Variants in OSGEPL1 observed in about 807,000 individuals in gnomAD.
OSGEPL1 encodes tRNA N6-adenosine threonylcarbamoyltransferase, mitochondrial.
OSGEPL1 carries 26 observed loss-of-function variants against 37.2 expected under a neutral mutation model. The observed-to-expected ratio is 0.70, with a 90% CI of 0.51 to 0.97. The LOEUF (loss-of-function observed/expected upper bound fraction) is 0.97. Ranked by LOEUF, OSGEPL1 falls within the 50% of genes least tolerant of loss-of-function variation. The probability of loss-of-function intolerance (pLI) is 0.00; values close to 1 mark genes in which losing one functional copy is unlikely to be tolerated. For synonymous variants in OSGEPL1, 140 were observed against 159.9 expected (o/e 0.88, Z 0.94); for missense variants, 404 against 487.0 (o/e 0.83, Z 1.60).
At chr2:189,757,819 T>C (rs1179273352) in intron 2 of OSGEPL1, among the ~76,000 whole-genome samples, 1 of 152,226 alleles carries the variant, frequency 6.6e-6, no homozygotes, top group Non-Finnish European at 1.5e-5. Context: ...AGGTGGATGG[T>C]ATCACTGAAG....
chr2:189,755,062 A>T, intron 3 of OSGEPL1, 111 bp downstream of exon 3: 3 of 1,306,292 alleles, frequency 2.3e-6, no homozygotes, highest in East Asian at 2.4e-5. Flanking sequence ...TTTTCAGTTT[A>T]CTAAGATAAA....
At chr2:189,754,682 C>T (rs146829392) in intron 3 of OSGEPL1, 554 of 243,476 alleles carry the variant, frequency 2.3e-3, no homozygotes, top group Non-Finnish European at 3.4e-3. Flanking sequence ...CTGTGGGAAG[C>T]AGTGTTTTGT....
chr2:189,758,942 A>C (rs2046524971), intron 2 of OSGEPL1, among the ~76,000 whole-genome samples: 1 of 152,254 alleles, frequency 6.6e-6, no homozygotes, highest in South Asian at 2.1e-4. Context: ...TCAAAAGTTC[A>C]GTGCACTCAG....
At chr2:189,747,537 CTT>C (rs2044334434) in intron 8 of OSGEPL1, among the ~76,000 whole-genome samples, 5 of 152,010 alleles carry the variant, frequency 3.3e-5, no homozygotes, top group Admixed American at 3.3e-4. Context: ...TTTATAGTGT[CTT>C]TGGTTTGCAA....
intron 1 of OSGEPL1, among the ~76,000 whole-genome samples, chr2:189,762,144 C>G (rs565467600): frequency 6.6e-6 from 1 of 152,192 alleles, no homozygotes; most frequent in Non-Finnish European, 1.5e-5. Flanking sequence ...AACACACACA[C>G]GCCAACTGCA....
Position 189,762,691 on chromosome 2 carries a change from C to T in OSGEPL1, c.-27G>A. 2 of 985,428 alleles carry T rather than the reference C, an allele frequency of 2.0e-6. No homozygotes were observed. Among genetic ancestry groups the T allele is most frequent in the Non-Finnish European group, 1.2e-6 (1 of 829,948 alleles). The allele number at this position is 985,428 out of a possible 1,614,324, so 61.0% of individuals were successfully genotyped here. ...AGTGAGCAATTTCACCCACCTTCCACTTGGGCGGCAGTAGCTAGCACTTGT... is the reference window on the plus strand; with the variant it reads ...AGTGAGCAATTTCACCCACCTTCCATTTGGGCGGCAGTAGCTAGCACTTGT... On this transcript the variant is annotated 5_prime_UTR_variant, in exon 1 of 9. In the 5' UTR this introduces an upstream ATG that the reference lacks. Transcript: ENST00000264151.
chr2:189,752,754 T>C (rs2045475442), intron 6 of OSGEPL1, 30 bp from the exon 7 acceptor site: 1 of 1,613,550 alleles, frequency 6.2e-7, no homozygotes, highest in East Asian at 2.2e-5. Flanking sequence ...ATAAAATCAA[T>C]AGCTCCAAGA....
rs1057216770 is a variant in OSGEPL1, at chr2:189,746,818, AT to A, written c.*378del. On this transcript the variant is annotated 3_prime_UTR_variant, in exon 9 of 9. Transcript: ENST00000264151. Reference sequence around the variant, plus strand: ...CAGGTCAGAGTTATGGTTTCAAAAAATTAGGATTTCTGTAAACAAAGGCCTG... The same window carrying A: ...CAGGTCAGAGTTATGGTTTCAAAAAATAGGATTTCTGTAAACAAAGGCCTG... 3.1e-5 allele frequency: 18 copies of A among 578,330 alleles called. No individual in the cohort carries two copies. The highest frequency in any genetic ancestry group is 4.1e-5 in the Admixed American group (1 of 24,456). 35.8% of individuals were successfully genotyped at this position (578,330 alleles called of 1,614,324 possible). A position where few individuals can be genotyped will look rare whatever the true frequency, so the allele number is the denominator to read the frequency against.
intron 5 of OSGEPL1, 84 bp downstream of exon 5, chr2:189,753,832 A>G (rs1171021565): frequency 7.1e-7 from 1 of 1,416,314 alleles, no homozygotes; most frequent in African/African-American, 1.4e-5. Flanking sequence ...AGATCTGTTC[A>G]TCCTAAACAC....
intron 8 of OSGEPL1, among the ~76,000 whole-genome samples, chr2:189,750,233 G>A (rs2044940062): frequency 6.6e-6 from 1 of 152,142 alleles, no homozygotes; most frequent in Non-Finnish European, 1.5e-5. Flanking sequence ...ATTTGAGGAA[G>A]TGGGGGAAAG....
chr2:189,750,265 G>T (rs1448435540), intron 8 of OSGEPL1, among the ~76,000 whole-genome samples: 1 of 152,006 alleles, frequency 6.6e-6, no homozygotes, highest in Non-Finnish European at 1.5e-5. Context: ...TATGATACAG[G>T]GCCAGAATTC....
chr2:189,754,362 T>A lies in OSGEPL1; in HGVS notation c.610-17A>T. 2.5e-6 allele frequency: 4 copies of A among 1,571,250 alleles called. No homozygotes were observed. Among genetic ancestry groups the A allele is most frequent in the Non-Finnish European group, 2.6e-6 (3 of 1,158,334 alleles). ...TCTTGCCACCTATCAAAGAAACATA[T>A]TTTTTAGAGTCATAAAATTAAATAC... On this transcript the variant is annotated splice_polypyrimidine_tract_variant and intron_variant, in intron 3 of 8. Coordinates refer to ENST00000264151, the MANE Select transcript of OSGEPL1 (RefSeq NM_022353.3).
At chr2:189,748,369 A>C (rs1416431323) in intron 8 of OSGEPL1, among the ~76,000 whole-genome samples, 1 of 152,064 alleles carries the variant, frequency 6.6e-6, no homozygotes, top group African/African-American at 2.4e-5. Context: ...TGTTATGCTG[A>C]GTGTGGTGGT....
Position 189,752,727 on chromosome 2 carries a change from A to G in OSGEPL1, c.1095-3T>C, listed in dbSNP as rs371831352. ...CACGTAGTCTTTCAATACCATTCCT[A>G]AATAAGAAGCATTAAAATAAAATCA... On this transcript the variant is annotated splice_region_variant and splice_polypyrimidine_tract_variant and intron_variant, in intron 6 of 8. Coordinates refer to ENST00000264151, the MANE Select transcript of OSGEPL1 (RefSeq NM_022353.3). 3 of 1,613,942 alleles carry G rather than the reference A, an allele frequency of 1.9e-6. No individual in the cohort carries two copies. Among genetic ancestry groups the G allele is most frequent in the Non-Finnish European group, 1.7e-6 (2 of 1,179,866 alleles).
At chr2:189,748,591 G>A (rs1234750361) in intron 8 of OSGEPL1, among the ~76,000 whole-genome samples, 1 of 152,184 alleles carries the variant, frequency 6.6e-6, no homozygotes, top group Non-Finnish European at 1.5e-5. Context: ...ATGGTGCTGA[G>A]TCACAACTTT....
intron 8 of OSGEPL1, among the ~76,000 whole-genome samples, chr2:189,748,347 G>T (rs1382465384): frequency 6.6e-6 from 1 of 152,152 alleles, no homozygotes; most frequent in Non-Finnish European, 1.5e-5. Flanking sequence ...AGGGCTACAG[G>T]TTCTCAGTCT....
At chr2:189,758,284 G>A (rs569089656) in intron 2 of OSGEPL1, among the ~76,000 whole-genome samples, 77 of 152,228 alleles carry the variant, frequency 5.1e-4, no homozygotes, top group African/African-American at 1.6e-3. Flanking sequence ...TGAAGGCTGA[G>A]GGGGGAGAAT....
In OSGEPL1 at chr2:189,754,270, C is replaced by A. The variant is rs3749014; in HGVS notation, c.685G>T (p.Ala229Ser). The A allele has an allele frequency of 2.9e-4, 476 of 1,613,748 alleles. 7 individuals carry two copies. In the East Asian group the frequency reaches 0.01, roughly 35 times the overall value. Residue 229 changes from alanine to serine, a missense_variant, in exon 4 of 9, where the codon GCC (alanine) becomes TCC (serine). Ala to Ser is a moderately conservative substitution (Grantham distance 99, BLOSUM62 1). Coordinates refer to ENST00000264151, the MANE Select transcript of OSGEPL1 (RefSeq NM_022353.3). The part of the protein sequence containing the change: ...MSGGKAIEHL[A>S]KQGNRFHFDI... The stretch of plus-strand genomic sequence containing the variant: ...AAATGAAATCTATTTCCTTGTTTGG[C>A]CAAATGTTCTATGGCTTTCCCACCA...
At chr2:189,748,560 A>G (rs548486023) in intron 8 of OSGEPL1, among the ~76,000 whole-genome samples, 3 of 152,332 alleles carry the variant, frequency 2.0e-5, no homozygotes, top group Non-Finnish European at 4.4e-5. Flanking sequence ...TAATCTTCAT[A>G]TTTACTTCTA....
Sources: allele counts gnomAD v4.1 joint callset (sites outside exome capture counted in the v4.1 genomes callset), GRCh38; gene constraint gnomAD v4.1.1; transcripts MANE v1.5; gene names NCBI Gene and HGNC (gene_info 2026-07-23, HGNC 2026-07-21).